The following CALN1 variants were observed in gnomAD, a reference collection of about 807,000 sequenced individuals.
CALN1 encodes the protein calneuron 1.
A neutral mutation model predicts 30.6 loss-of-function variants in CALN1; 17 were observed. That is an observed-to-expected ratio of 0.56 (90% CI 0.38 to 0.83). The LOEUF is 0.83. CALN1 is among the 40% of genes least tolerant of loss of function. The pLI, the probability that CALN1 is intolerant of heterozygous loss-of-function variation, is 0.00. For synonymous variants in CALN1, 156 were observed against 131.4 expected (o/e 1.19, Z -1.28); for missense variants, 291 against 354.9 (o/e 0.82, Z 1.45).
chr7:72,444,905 T>A (rs988646185), intron 1 of CALN1, among the ~76,000 whole-genome samples: 1 of 152,112 alleles, frequency 6.6e-6, no homozygotes, highest in Non-Finnish European at 1.5e-5. Flanking sequence ...CCAAAGGCCA[T>A]GCCTTTCCCA....
intron 3 of CALN1, among the ~76,000 whole-genome samples, chr7:72,149,327 G>T (rs1371040167): frequency 2.6e-5 from 4 of 151,950 alleles, no homozygotes; most frequent in Non-Finnish European, 5.9e-5. Context: ...AATTAGCTGG[G>T]CGTGGTGGCA....
intron 4 of CALN1, among the ~76,000 whole-genome samples, chr7:72,059,615 G>C (rs895764151): frequency 6.6e-6 from 1 of 151,848 alleles, no homozygotes; most frequent in Non-Finnish European, 1.5e-5. Flanking sequence ...GGTTGCAAAT[G>C]ACCGTCAATT....
At chr7:71,846,778 A>G (rs1457726219) in intron 5 of CALN1, among the ~76,000 whole-genome samples, 1 of 148,032 alleles carries the variant, frequency 6.8e-6, no homozygotes, top group Non-Finnish European at 1.5e-5. Flanking sequence ...GTATATAAAT[A>G]TATATACGTG....
chr7:72,137,771 G>T (rs1036472332), intron 3 of CALN1, among the ~76,000 whole-genome samples: 5 of 152,156 alleles, frequency 3.3e-5, no homozygotes, highest in African/African-American at 1.2e-4. Context: ...GCGTCTTTGT[G>T]AAAAATATAC....
chr7:72,416,880 TG>T (rs2129563498), upstream of CALN1, among the ~76,000 whole-genome samples: 1 of 152,138 alleles, frequency 6.6e-6, no homozygotes, highest in African/African-American at 2.4e-5. Flanking sequence ...TGAGCTGGGC[TG>T]GGCTAGGCCA....
intron 1 of CALN1, among the ~76,000 whole-genome samples, chr7:72,410,792 A>C (rs1484771875): frequency 6.6e-6 from 1 of 151,368 alleles, no homozygotes. Flanking sequence ...TCAGCTCACG[A>C]GCCAGCACCC....
chr7:71,988,386 G>A lies in CALN1; in HGVS notation c.501+35271C>T, dbSNP rs541762392. Among the ~76,000 whole-genome samples the A allele has an allele frequency of 3.7e-4, 57 of 152,212 alleles. No homozygotes were observed. In the East Asian group the frequency reaches 4.7e-3, roughly 12 times the overall value. ...ATCGTATCTCCAAAGGTGTGTGCGCGCATCCTGCCAGGCACAGAAACTGCG... is the reference window on the plus strand; with the variant it reads ...ATCGTATCTCCAAAGGTGTGTGCGCACATCCTGCCAGGCACAGAAACTGCG... On this transcript the variant is annotated intron_variant, in intron 5 of 6. Transcript: ENST00000395275.
At chr7:72,197,461 A>G (rs1204518169) in intron 3 of CALN1, among the ~76,000 whole-genome samples, 1 of 151,922 alleles carries the variant, frequency 6.6e-6, no homozygotes, top group African/African-American at 2.4e-5. Context: ...TGGCCTCCCA[A>G]AGCGCTGGGA....
At chr7:71,957,034 T>C (rs949408473) in intron 5 of CALN1, among the ~76,000 whole-genome samples, 1 of 152,052 alleles carries the variant, frequency 6.6e-6, no homozygotes, top group Non-Finnish European at 1.5e-5. Context: ...TCCCTTCATC[T>C]CCCTTCACGG....
intron 5 of CALN1, among the ~76,000 whole-genome samples, chr7:71,966,672 A>G (rs982404017): frequency 2.6e-5 from 4 of 152,172 alleles, no homozygotes; most frequent in South Asian, 2.1e-4. Context: ...CAGAATCAAG[A>G]GCCAATTAAA....
chr7:72,406,289 A>C (rs1313571322), intron 1 of CALN1, among the ~76,000 whole-genome samples: 1 of 152,090 alleles, frequency 6.6e-6, no homozygotes, highest in Non-Finnish European at 1.5e-5. Context: ...ATCTGCACAT[A>C]AGACAGACCT....
intron 2 of CALN1, among the ~76,000 whole-genome samples, chr7:72,398,772 C>T (rs1806140434): frequency 6.6e-6 from 1 of 152,240 alleles, no homozygotes; most frequent in Admixed American, 6.5e-5. Flanking sequence ...CACCTTGCTC[C>T]AACCAAAGTG....
At chr7:72,481,198 C>T in the CALN1 span, among the ~76,000 whole-genome samples, 3 of 152,096 alleles carry the variant, frequency 2.0e-5, no homozygotes, top group Admixed American at 6.5e-5. Flanking sequence ...GTGATCCGCC[C>T]GCGTCGGCCT....
At position 72,112,426 on chromosome 7, in the gene CALN1, T is replaced by G. The variant is rs58575557; in HGVS notation, c.245-6132A>C. ...GGTCTTCATTGCATAAAGTGATGGC[T>G]TTATTAACAAAGAAGATGCGTTGTG... On this transcript the variant is annotated intron_variant, in intron 3 of 6. Transcript: ENST00000395275. Among the ~76,000 whole-genome samples, 1,369 of 152,308 alleles carry G rather than the reference T, an allele frequency of 9.0e-3. 14 individuals carry two copies. The highest frequency in any genetic ancestry group is 0.029 in the African/African-American group (1,195 of 41,568).
At chr7:72,406,622 T>TTTTCTC (rs1554402602) in intron 1 of CALN1, among the ~76,000 whole-genome samples, 1 of 92,204 alleles carries the variant, frequency 1.1e-5, no homozygotes, top group Non-Finnish European at 1.9e-5. Flanking sequence ...CAGCTTTTTT[T>TTTTCTC]TTTTTCTTTT....
chr7:71,963,160 T>A (rs1481058694), intron 5 of CALN1, among the ~76,000 whole-genome samples: 4 of 151,956 alleles, frequency 2.6e-5, no homozygotes, highest in Non-Finnish European at 5.9e-5. Flanking sequence ...CTTTGTTATT[T>A]TTATTATTAT....
At chr7:71,861,286 AAG>A (rs1412762951) in intron 5 of CALN1, among the ~76,000 whole-genome samples, 2 of 152,200 alleles carry the variant, frequency 1.3e-5, no homozygotes, top group Non-Finnish European at 2.9e-5. Context: ...GTGTGCAAAA[AAG>A]AGAGACACCT....
chr7:72,117,580 T>C (rs187043353), intron 3 of CALN1, among the ~76,000 whole-genome samples: 5 of 152,270 alleles, frequency 3.3e-5, no homozygotes, highest in East Asian at 1.9e-4. Flanking sequence ...TTCAGGGTGC[T>C]TGGGGGTCCC....
chr7:72,392,765 C>T (rs1805656947), intron 2 of CALN1, among the ~76,000 whole-genome samples: 1 of 151,674 alleles, frequency 6.6e-6, no homozygotes, highest in African/African-American at 2.4e-5. Context: ...TGCTGGAGGC[C>T]AGAAGAATTC....
Sources: allele counts gnomAD v4.1 joint callset (sites outside exome capture counted in the v4.1 genomes callset), GRCh38; gene constraint gnomAD v4.1.1; transcripts MANE v1.5; gene names NCBI Gene and HGNC (gene_info 2026-07-23, HGNC 2026-07-21).